DMD: variants seen among roughly 807,000 people sequenced by gnomAD.
The protein encoded by DMD is mutant dystrophin.
Under a neutral mutation model 330.1 loss-of-function variants are expected in DMD, and 63 were observed. The ratio of observed to expected loss-of-function variants is 0.19; its 90% CI spans 0.16 to 0.24. The LOEUF is 0.24. Among genes scored for constraint, DMD ranks in the 10% least tolerant of loss-of-function variants. DMD has a pLI of 1.00. For missense variants in DMD, 3,344 were observed against 2,684.1 expected, an observed-to-expected ratio of 1.25 and a Z score of -5.43; for synonymous variants, 1,223 against 959.8, an observed-to-expected ratio of 1.27 and a Z score of -5.07.
intron 3 of DMD, among the ~76,000 whole-genome samples, chrX:32,849,205 CA>C (rs2080933464): frequency 8.9e-6 from 1 of 111,753 alleles, no homozygotes; most frequent in African/African-American, 3.3e-5. Flanking sequence ...AGACCTTGAT[CA>C]ACATGACTTC....
intron 21 of DMD, among the ~76,000 whole-genome samples, chrX:32,481,652 C>A (rs187111238): frequency 1.3e-3 from 149 of 111,743 alleles, no homozygotes; most frequent in Non-Finnish European, 2.4e-3. Flanking sequence ...CTCCTAATGT[C>A]CTTTCTCCAA....
chrX:33,018,294 G>A (rs890828031), intron 2 of DMD, among the ~76,000 whole-genome samples: 1 of 111,623 alleles, frequency 9.0e-6, no homozygotes, highest in Non-Finnish European at 1.9e-5. Flanking sequence ...TAATATAAAT[G>A]AAAAGTGTGA....
chrX:32,049,301 T>C (rs2096088037), intron 44 of DMD, among the ~76,000 whole-genome samples: 1 of 111,586 alleles, frequency 9.0e-6, no homozygotes, highest in African/African-American at 3.2e-5. Context: ...GAAATGAGTA[T>C]GGAAAGCTTT....
chrX:32,512,725 G>C (rs915842589), intron 18 of DMD, among the ~76,000 whole-genome samples: 1 of 112,450 alleles, frequency 8.9e-6, no homozygotes, highest in Admixed American at 9.4e-5. Flanking sequence ...GAACATATTT[G>C]TAGGTTATCA....
chrX:32,534,429 G>C, intron 17 of DMD, among the ~76,000 whole-genome samples: 1 of 110,945 alleles, frequency 9.0e-6, no homozygotes, highest in Non-Finnish European at 1.9e-5. Flanking sequence ...ACCTCCCCCT[G>C]CACTGTCTCA....
chrX:31,398,680 T>C (rs996415701), intron 60 of DMD, among the ~76,000 whole-genome samples: 1 of 112,004 alleles, frequency 8.9e-6, no homozygotes, highest in Non-Finnish European at 1.9e-5. Context: ...TCTTGCTATG[T>C]TGCCAAGGCT....
chrX:32,472,030 C>A, intron 22 of DMD, 134 bp downstream of exon 22: 2 of 765,378 alleles, frequency 2.6e-6, no homozygotes, highest in East Asian at 6.7e-5. Flanking sequence ...TGTAAAGTCT[C>A]ATTTTCATTT....
intron 18 of DMD, among the ~76,000 whole-genome samples, chrX:32,509,514 G>A (rs1053052734): frequency 6.3e-5 from 7 of 111,662 alleles, no homozygotes; most frequent in African/African-American, 2.3e-4. Flanking sequence ...ATCTTGCAAA[G>A]TAAAAACTGG....
At chrX:31,728,124 G>A (rs1463268253) in intron 52 of DMD, among the ~76,000 whole-genome samples, 5 of 112,103 alleles carry the variant, frequency 4.5e-5, no homozygotes, top group African/African-American at 1.6e-4. Flanking sequence ...CCGGGTTCAC[G>A]CCATTCTCCT....
intron 44 of DMD, among the ~76,000 whole-genome samples, chrX:32,130,547 A>G (rs1291165841): frequency 9.0e-6 from 1 of 111,199 alleles, no homozygotes; most frequent in Non-Finnish European, 1.9e-5. Flanking sequence ...AAAAAGCCCA[A>G]CTCTTTACAA....
At chrX:32,718,282 C>A (rs778876492) in intron 7 of DMD, among the ~76,000 whole-genome samples, 4 of 111,038 alleles carry the variant, frequency 3.6e-5, no homozygotes, top group African/African-American at 6.6e-5. Flanking sequence ...AGATTTCCCT[C>A]TTACTGTTCC....
chrX:33,074,245 T>C, intron 1 of DMD, among the ~76,000 whole-genome samples: 1 of 111,770 alleles, frequency 8.9e-6, no homozygotes, highest in Non-Finnish European at 1.9e-5. Flanking sequence ...TTCCGATTTC[T>C]ACATGTCACT....
intron 12 of DMD, among the ~76,000 whole-genome samples, chrX:32,608,263 T>C (rs2056893177): frequency 9.0e-6 from 1 of 110,563 alleles, no homozygotes; most frequent in South Asian, 3.7e-4. Context: ...ATGATGCTTG[T>C]TAATAGAATT....
intron 44 of DMD, among the ~76,000 whole-genome samples, chrX:32,019,114 C>T (rs1180128487): frequency 7.7e-5 from 8 of 104,511 alleles, no homozygotes; most frequent in African/African-American, 2.8e-4. Flanking sequence ...TCTGTGAGGG[C>T]TTTTTTTTTT....
intron 2 of DMD, among the ~76,000 whole-genome samples, chrX:32,943,894 G>A (rs1263449548): frequency 9.0e-6 from 1 of 111,604 alleles, no homozygotes; most frequent in Non-Finnish European, 1.9e-5. Context: ...CCAAATATAT[G>A]GGGTACATGT....
At chrX:33,060,200 G>C (rs1173850927) in intron 1 of DMD, among the ~76,000 whole-genome samples, 1 of 111,029 alleles carries the variant, frequency 9.0e-6, no homozygotes, top group Non-Finnish European at 1.9e-5. Context: ...TATAACCAAG[G>C]AACAGGGTAG....
intron 45 of DMD, among the ~76,000 whole-genome samples, chrX:31,952,754 G>GTTCCCTGTCTCT (rs201520525): frequency 0.12 from 13,500 of 111,360 alleles, 626 homozygotes; most frequent in Non-Finnish European, 0.14. Context: ...ATGGGTCACA[G>GTTCCCTGTCTCT]TTGAACGTAT....
At chrX:32,265,868 T>C (rs2097342198) in intron 43 of DMD, among the ~76,000 whole-genome samples, 1 of 112,084 alleles carries the variant, frequency 8.9e-6, no homozygotes, top group Non-Finnish European at 1.9e-5. Context: ...TGCTTTTGAT[T>C]TTATGGCTCC....
At chrX:32,891,818 T>TA (rs60758945) in intron 2 of DMD, among the ~76,000 whole-genome samples, 22,469 of 111,120 alleles carry the variant, frequency 0.2, 1,801 homozygotes, top group East Asian at 0.37. Flanking sequence ...CATGAAGCCC[T>TA]ACACCTAGTA....
Sources: gnomAD v4.1 joint callset for allele counts (sites outside exome capture counted in the v4.1 genomes callset) on GRCh38, gnomAD v4.1.1 for gene constraint, MANE v1.5 for transcripts, NCBI Gene and HGNC (gene_info 2026-07-23, HGNC 2026-07-21) for gene names.